BCL7A: variants seen among roughly 807,000 people sequenced by gnomAD.
BCL7A encodes BAF chromatin remodeling complex subunit BCL7A.
A neutral mutation model predicts 28.4 loss-of-function variants in BCL7A; 11 were observed. The observed-to-expected ratio is 0.39, with a 90% CI of 0.24 to 0.64. BCL7A has a LOEUF of 0.64. Ranked by LOEUF, BCL7A falls within the 30% of genes least tolerant of loss-of-function variation. The probability of loss-of-function intolerance (pLI) is 0.50; values close to 1 mark genes in which losing one functional copy is unlikely to be tolerated. For missense variants in BCL7A, 222 were observed against 274.8 expected (o/e 0.81, Z 1.36); for synonymous variants, 123 against 103.3 (o/e 1.19, Z -1.15).
rs145482375 is a variant in BCL7A at position 122,057,435 on chromosome 12, A to G, written c.562-1657A>G. Among the ~76,000 whole-genome samples, 1,050 of 152,232 alleles carry G rather than the reference A, an allele frequency of 6.9e-3. 13 individuals carry two copies. Among genetic ancestry groups the G allele is most frequent in the African/African-American group, 0.024 (1,006 of 41,538 alleles). On this transcript the variant is annotated intron_variant, in intron 5 of 5. Transcript: ENST00000261822. ...GTAGGAAAGTTGTGGAATGCTTTGTATTTGTAAGTTGTGGTTTCTATTGGA... is the reference window on the plus strand; with the variant it reads ...GTAGGAAAGTTGTGGAATGCTTTGTGTTTGTAAGTTGTGGTTTCTATTGGA...
chr12:122,047,618 G>A (rs996359367), intron 4 of BCL7A, among the ~76,000 whole-genome samples: 22 of 151,904 alleles, frequency 1.4e-4, no homozygotes, highest in Admixed American at 1.3e-3. Flanking sequence ...TTGAACTGCT[G>A]GGCTCAGGTG....
At chr12:122,025,413 A>G (rs553038381) in intron 1 of BCL7A, among the ~76,000 whole-genome samples, 1 of 151,734 alleles carries the variant, frequency 6.6e-6, no homozygotes, top group South Asian at 2.1e-4. Context: ...TCACGAGGTC[A>G]GGAGATCAAG....
chr12:122,022,623 G>A (rs1883491410), intron 1 of BCL7A, among the ~76,000 whole-genome samples: 1 of 145,664 alleles, frequency 6.9e-6, no homozygotes, highest in African/African-American at 2.5e-5. Context: ...CATTGTGCAG[G>A]CTCCGAGCGG....
Position 122,021,924 on chromosome 12 carries a change from G to GTTTA in BCL7A, c.-167_-166insTTAT. 1 of 433,282 alleles carries GTTTA rather than the reference G, an allele frequency of 2.3e-6. No individual in the cohort carries two copies. Among genetic ancestry groups the GTTTA allele is most frequent in the Middle Eastern group, 6.5e-4 (1 of 1,532 alleles). 26.8% of individuals were successfully genotyped at this position (433,282 alleles called of 1,614,324 possible). A position where few individuals can be genotyped will look rare whatever the true frequency, so the allele number is the denominator to read the frequency against. ...CGCGGCGGCCCCGGGCTTTGTGTGT[G>GTTTA]TGTGTATGTGTGTGTGTGTGTGTGT... On this transcript the variant is annotated 5_prime_UTR_variant, in exon 1 of 6. In the 5' UTR this introduces an upstream ATG that the reference lacks. Transcript: ENST00000261822.
chr12:122,049,035 A>AATATATAT (rs1159174556), intron 4 of BCL7A, among the ~76,000 whole-genome samples: 11 of 58,356 alleles, frequency 1.9e-4, no homozygotes, highest in Non-Finnish European at 2.5e-4. Context: ...AAAAAAAAAA[A>AATATATAT]ATATATATAT....
chr12:122,029,718 A>G lies in BCL7A; in HGVS notation c.93-982A>G, dbSNP rs1182640381. Among the ~76,000 whole-genome samples, 1 of 151,856 alleles carries G rather than the reference A, an allele frequency of 6.6e-6. No individual in the cohort carries two copies. The highest frequency in any genetic ancestry group is 2.4e-5 in the African/African-American group (1 of 41,294). On this transcript the variant is annotated intron_variant, in intron 1 of 5. Coordinates refer to ENST00000261822, the MANE Select transcript of BCL7A (RefSeq NM_001024808.3). This position sits in a 1 kb window ranked among gnomAD's most constrained non-coding sequence, Gnocchi z 4.3. ...TCTTGATTTAGGAGCCTCGGTTCCA[A>G]CCCCAGCCCTGCTTCTGGGAGGCTC...
rs966663880 is a variant in BCL7A, at chr12:122,054,923, T to A, written c.558T>A (p.Ser186=). 3 of 1,613,996 alleles carry A rather than the reference T, an allele frequency of 1.9e-6. No individual in the cohort carries two copies. In the African/African-American group the frequency reaches 4.0e-5, roughly 22 times the overall value. Residue 186 remains serine (S), a synonymous_variant, in exon 5 of 6, where the codon TCT becomes TCA. Coordinates refer to ENST00000261822, the MANE Select transcript of BCL7A (RefSeq NM_001024808.3). ...SGLAAETSAI[S]QDLEGVPPSK... is the part of the protein sequence containing the mutation. Reference sequence around the variant, plus strand: ...TGGCCGCAGAGACGTCTGCAATCTCTCAGGTACCTCGCTCGAGGTCTCAGA... The same window carrying A: ...TGGCCGCAGAGACGTCTGCAATCTCACAGGTACCTCGCTCGAGGTCTCAGA...
intron 3 of BCL7A, among the ~76,000 whole-genome samples, chr12:122,041,112 C>A (rs948398673): frequency 6.6e-6 from 1 of 152,000 alleles, no homozygotes; most frequent in Non-Finnish European, 1.5e-5. Context: ...CCAGGTTACC[C>A]GTGTGGGGCC....
chr12:122,035,847 T>G (rs1487401959), intron 3 of BCL7A, among the ~76,000 whole-genome samples: 2 of 152,150 alleles, frequency 1.3e-5, no homozygotes, highest in African/African-American at 4.8e-5. Context: ...TGTTTTGTTT[T>G]GTTTTGTTTT....
chr12:122,024,435 T>C (rs1883565941), intron 1 of BCL7A, among the ~76,000 whole-genome samples: 1 of 151,058 alleles, frequency 6.6e-6, no homozygotes, highest in African/African-American at 2.4e-5. Flanking sequence ...AGGTGGACTT[T>C]GTAGAAACTT....
chr12:122,052,486 G>A (rs553180992), intron 4 of BCL7A, among the ~76,000 whole-genome samples: 3 of 152,210 alleles, frequency 2.0e-5, no homozygotes, highest in South Asian at 2.1e-4. Flanking sequence ...GCACCCAGCC[G>A]CAATCATTCT....
intron 1 of BCL7A, among the ~76,000 whole-genome samples, chr12:122,024,454 GGTTTTTT>G (rs371790251): frequency 3.2e-4 from 31 of 98,290 alleles, no homozygotes; most frequent in African/African-American, 1.2e-3. Flanking sequence ...TTGGCTTTGA[GGTTTTTT>G]GTTTTTTTTT....
intron 4 of BCL7A, among the ~76,000 whole-genome samples, chr12:122,052,629 C>T (rs770643911): frequency 1.3e-5 from 2 of 152,104 alleles, no homozygotes; most frequent in Non-Finnish European, 2.9e-5. Flanking sequence ...TTGTGTCTGA[C>T]TTCTCACTCA....
intron 2 of BCL7A, among the ~76,000 whole-genome samples, chr12:122,034,202 T>C (rs1883801022): frequency 3.4e-4 from 4 of 11,744 alleles, no homozygotes; most frequent in Non-Finnish European, 8.2e-4. Flanking sequence ...TATATATATA[T>C]ATATATATAT....
At chr12:122,030,857 A>G (rs1883728171) in intron 2 of BCL7A, 76 bp downstream of exon 2, 2 of 1,422,046 alleles carry the variant, frequency 1.4e-6, no homozygotes, top group Non-Finnish European at 2.0e-6. Flanking sequence ...GAGATTGTCC[A>G]CTGCTACCCA....
In BCL7A at chr12:122,035,432, G is replaced by A; in HGVS notation, c.271+5G>A. On this transcript the variant is annotated splice_donor_5th_base_variant and intron_variant, in intron 3 of 5. Transcript: ENST00000261822. ...CAGGGATGATGGACATGCATGGTGA[G>A]TGCCCATGGCCTGCCAGCCTCTCCT... The A allele has an allele frequency of 1.2e-6, 2 of 1,612,976 alleles. No homozygotes were observed. The highest frequency in any genetic ancestry group is 1.7e-6 in the Non-Finnish European group (2 of 1,179,032).
chr12:122,041,685 G>A (rs1593029862), intron 3 of BCL7A, among the ~76,000 whole-genome samples: 1 of 152,146 alleles, frequency 6.6e-6, no homozygotes. Context: ...GATGGCTTGA[G>A]CCTAGGAGTT....
intron 1 of BCL7A, among the ~76,000 whole-genome samples, chr12:122,023,798 T>A (rs1883538792): frequency 6.6e-6 from 1 of 152,182 alleles, no homozygotes; most frequent in African/African-American, 2.4e-5. Flanking sequence ...CCCTCTACTG[T>A]GGGATTCCCC....
chr12:122,059,624 G>A lies in BCL7A; in HGVS notation c.*461G>A, dbSNP rs1014201242. On this transcript the variant is annotated 3_prime_UTR_variant, in exon 6 of 6. Transcript: ENST00000261822. The surrounding 1 kb of genome is among the most constrained non-coding windows in gnomAD (Gnocchi z 4.0). ...GTGACCTCTGGCATGTATCCTGGTG[G>A]TTCTTACATCCCCCTCTGCAAAGTG... 4.3e-6 allele frequency: 1 copy of A among 234,526 alleles called. No individual in the cohort carries two copies. The highest frequency in any genetic ancestry group is 2.2e-5 in the African/African-American group (1 of 45,316). 14.5% of individuals were successfully genotyped at this position (234,526 alleles called of 1,614,324 possible).
Sources: allele counts gnomAD v4.1 joint callset (sites outside exome capture counted in the v4.1 genomes callset), GRCh38; gene constraint gnomAD v4.1.1; non-coding constraint Gnocchi (gnomAD v3.1); transcripts MANE v1.5; gene names NCBI Gene and HGNC (gene_info 2026-07-23, HGNC 2026-07-21).